The following MLLT11 variants were observed in gnomAD, a reference collection of about 807,000 sequenced individuals.
The protein encoded by MLLT11 is protein AF1q.
MLLT11 carries 1 observed loss-of-function variant against 5.3 expected under a neutral mutation model. The ratio of observed to expected loss-of-function variants is 0.19; its 90% CI spans 0.07 to 0.89. The LOEUF (loss-of-function observed/expected upper bound fraction) is 0.89. Ranked by LOEUF, MLLT11 falls within the 40% of genes least tolerant of loss-of-function variation. The probability of loss-of-function intolerance (pLI) is 0.67; values close to 1 mark genes in which losing one functional copy is unlikely to be tolerated. For missense variants in MLLT11, 87 were observed against 107.3 expected (o/e 0.81, Z 0.83); for synonymous variants, 38 against 41.7 (o/e 0.91, Z 0.34).
intron 1 of MLLT11, among the ~76,000 whole-genome samples, chr1:151,066,120 G>A (rs1415002503): frequency 2.0e-5 from 3 of 152,186 alleles, no homozygotes; most frequent in Admixed American, 6.5e-5. Context: ...GAATACAGGT[G>A]TGAGCCACTG....
Position 151,068,007 on chromosome 1 carries a change from T to G in MLLT11, c.*510T>G, listed in dbSNP as rs1367794395. 4 of 244,668 alleles carry G rather than the reference T, an allele frequency of 1.6e-5. No individual in the cohort carries two copies. 15.2% of individuals were successfully genotyped at this position (244,668 alleles called of 1,614,324 possible). A position where few individuals can be genotyped will look rare whatever the true frequency, so the allele number is the denominator to read the frequency against. ...AAGTGATAAGTCTCTTGCTTTTTTT[T>G]GATCCTGCTCTTATATTCTTTTTTT... is the stretch of plus-strand genomic sequence containing the variant. On this transcript the variant is annotated 3_prime_UTR_variant, in exon 2 of 2. Coordinates refer to ENST00000368921, the MANE Select transcript of MLLT11 (RefSeq NM_006818.4).
chr1:151,067,016 G>A (rs977646032), intron 1 of MLLT11: 47 of 467,396 alleles, frequency 1.0e-4, no homozygotes, highest in Non-Finnish European at 1.6e-4. Context: ...AGAGGCAATT[G>A]GGGATGGTGA....
intron 1 of MLLT11, among the ~76,000 whole-genome samples, chr1:151,061,243 G>A (rs1366219397): frequency 6.6e-6 from 1 of 152,100 alleles, no homozygotes; most frequent in East Asian, 1.9e-4. Context: ...TCTGACTGAG[G>A]CACACATTAT....
In MLLT11 at chr1:151,068,603, A is replaced by T. The variant is rs1676508220; in HGVS notation, c.*1106A>T. 1 of 171,900 alleles carries T rather than the reference A, an allele frequency of 5.8e-6. No homozygotes were observed. The highest frequency in any genetic ancestry group is 2.0e-4 in the South Asian group (1 of 4,982). 10.6% of individuals were successfully genotyped at this position (171,900 alleles called of 1,614,324 possible). A position where few individuals can be genotyped will look rare whatever the true frequency, so the allele number is the denominator to read the frequency against. On this transcript the variant is annotated 3_prime_UTR_variant, in exon 2 of 2. Transcript: ENST00000368921. ...ATCTTTTTTTTCTTTTTTATTTTTG[A>T]GACAGGGTCCCACTCTGTCACCCAG...
chr1:151,063,825 G>A (rs1345955816), intron 1 of MLLT11, among the ~76,000 whole-genome samples: 1 of 152,174 alleles, frequency 6.6e-6, no homozygotes, highest in Non-Finnish European at 1.5e-5. Context: ...GGTAGAATGA[G>A]TAGAGAAAGT....
intron 1 of MLLT11, among the ~76,000 whole-genome samples, chr1:151,061,828 G>T (rs954085436): frequency 6.6e-6 from 1 of 152,046 alleles, no homozygotes; most frequent in Non-Finnish European, 1.5e-5. Context: ...TTAATGCCAC[G>T]TATGTTTGCA....
chr1:151,064,030 A>ATTAT (rs1676443187), intron 1 of MLLT11, among the ~76,000 whole-genome samples: 1 of 56,688 alleles, frequency 1.8e-5, no homozygotes, highest in Admixed American at 2.0e-4. Context: ...ATTTATTATT[A>ATTAT]CTTTTTTTGA....
At position 151,068,293 on chromosome 1, in the gene MLLT11, C is replaced by T. The variant is rs772786301; in HGVS notation, c.*796C>T. The T allele has an allele frequency of 1.1e-4, 24 of 227,206 alleles. 1 individual carries two copies. The highest frequency in any genetic ancestry group is 1.5e-4 in the Non-Finnish European group (16 of 104,940). 14.1% of individuals were successfully genotyped at this position (227,206 alleles called of 1,614,324 possible). A position where few individuals can be genotyped will look rare whatever the true frequency, so the allele number is the denominator to read the frequency against. ...TAAGGTTTCAATTCAATCTTCTGAA[C>T]GGCATAAGTCCTATTTTAGCCTTAC... On this transcript the variant is annotated 3_prime_UTR_variant, in exon 2 of 2. Transcript: ENST00000368921.
chr1:151,063,548 C>G (rs1037764595), intron 1 of MLLT11, among the ~76,000 whole-genome samples: 4 of 152,210 alleles, frequency 2.6e-5, no homozygotes, highest in Admixed American at 6.5e-5. Flanking sequence ...GCCTCAGCCT[C>G]CCAAGTAGCT....
chr1:151,062,693 T>C (rs1386015964), intron 1 of MLLT11, among the ~76,000 whole-genome samples: 1 of 152,136 alleles, frequency 6.6e-6, no homozygotes, highest in Non-Finnish European at 1.5e-5. Context: ...GCCTATAATG[T>C]GGCCTGCATT....
At chr1:151,064,785 C>T (rs2102980509) in intron 1 of MLLT11, among the ~76,000 whole-genome samples, 1 of 151,630 alleles carries the variant, frequency 6.6e-6, no homozygotes, top group South Asian at 2.1e-4. Flanking sequence ...TTGGGCGTGT[C>T]TGTGTGGCTC....
chr1:151,061,154 G>A lies in MLLT11; in HGVS notation c.-7+601G>A, dbSNP rs183766519. Among the ~76,000 whole-genome samples the A allele has an allele frequency of 6.2e-4, 94 of 152,336 alleles. No individual in the cohort carries two copies. The Middle Eastern group carries it at 0.017, about 28-fold the overall frequency. On this transcript the variant is annotated intron_variant, in intron 1 of 1. Transcript: ENST00000368921. The stretch of plus-strand genomic sequence containing the variant: ...AATCAGTATAGCCCACAGGAGCTAG[G>A]TATGGGGACAGATTCTGGAAAAGAA...
At chr1:151,064,179 G>A (rs936249509) in intron 1 of MLLT11, among the ~76,000 whole-genome samples, 4 of 151,994 alleles carry the variant, frequency 2.6e-5, no homozygotes, top group Admixed American at 6.6e-5. Context: ...GCGCCACCTC[G>A]CCTGGCTAAT....
rs948418267 is a variant in MLLT11, at chr1:151,068,680, G to C, written c.*1183G>C. ...GCTCACTGCAACCTCCACCCACCAG[G>C]GTCAAGGGATCCTCCCACCTCAGGC... is the stretch of plus-strand genomic sequence containing the variant. On this transcript the variant is annotated 3_prime_UTR_variant, in exon 2 of 2. Transcript: ENST00000368921. 6.6e-6 allele frequency among the ~76,000 whole-genome samples: 1 copy of C among 152,094 alleles called. No individual in the cohort carries two copies. Among genetic ancestry groups the C allele is most frequent in the Non-Finnish European group, 1.5e-5 (1 of 68,006 alleles).
chr1:151,066,991 A>AG (rs1349100588), intron 1 of MLLT11: 2 of 398,792 alleles, frequency 5.0e-6, no homozygotes, highest in Non-Finnish European at 8.8e-6. Flanking sequence ...GTCCAAGGGA[A>AG]CTTGGATTCT....
intron 1 of MLLT11, among the ~76,000 whole-genome samples, chr1:151,063,947 A>T (rs1222221327): frequency 6.6e-6 from 1 of 152,184 alleles, no homozygotes; most frequent in African/African-American, 2.4e-5. Flanking sequence ...TCTCATTATC[A>T]TCAGTATACT....
intron 1 of MLLT11, among the ~76,000 whole-genome samples, chr1:151,065,900 G>A (rs1411287508): frequency 1.3e-5 from 2 of 152,114 alleles, no homozygotes; most frequent in Admixed American, 6.6e-5. Flanking sequence ...GGAGTGCAGC[G>A]GCACAATCTC....
chr1:151,064,823 T>C (rs587651731), intron 1 of MLLT11, among the ~76,000 whole-genome samples: 28 of 152,304 alleles, frequency 1.8e-4, no homozygotes, highest in Admixed American at 3.3e-4. Flanking sequence ...CTAATCTACA[T>C]ATTTGCTAAT....
rs749206512 is a variant in MLLT11 at position 151,067,241 on chromosome 1, G to A, written c.17G>A (p.Ser6Asn). 6 of 1,613,878 alleles carry A rather than the reference G, an allele frequency of 3.7e-6. No individual in the cohort carries two copies. Among genetic ancestry groups the A allele is most frequent in the Non-Finnish European group, 5.1e-6 (6 of 1,179,866 alleles). The change falls in exon 2 of 2, where the codon AGT becomes AAT. Residue 6 changes from serine (S) to asparagine (N), a missense_variant. Coordinates refer to ENST00000368921, the MANE Select transcript of MLLT11 (RefSeq NM_006818.4). Reference protein sequence around the residue: MRDPVSSQYSSFLFWR... With the variant: MRDPVNSQYSSFLFWR... ...TAGGAAGCTATGAGGGACCCTGTGA[G>A]TAGCCAGTACAGTTCCTTTCTTTTC...
Sources: gnomAD v4.1 joint callset for allele counts (sites outside exome capture counted in the v4.1 genomes callset) on GRCh38, gnomAD v4.1.1 for gene constraint, MANE v1.5 for transcripts, NCBI Gene and HGNC (gene_info 2026-07-23, HGNC 2026-07-21) for gene names.